The following LMAN1 variants were observed in gnomAD, a reference collection of about 807,000 sequenced individuals.
LMAN1 encodes protein ERGIC-53.
In LMAN1, 32 loss-of-function variants were observed where a neutral mutation model predicts 67.8. The observed-to-expected ratio is 0.47, with a 90% CI of 0.36 to 0.63. LMAN1 has a LOEUF of 0.63. Among genes scored for constraint, LMAN1 ranks in the 30% least tolerant of loss-of-function variants. The pLI is 0.00. For missense variants in LMAN1, 632 were observed against 628.2 expected, an observed-to-expected ratio of 1.01 and a Z score of -0.06; for synonymous variants, 235 against 219.3, an observed-to-expected ratio of 1.07 and a Z score of -0.63.
chr18:59,338,623 G>A lies in LMAN1; in HGVS notation c.1154C>T (p.Thr385Ile). 6.2e-7 allele frequency: 1 copy of A among 1,613,394 alleles called. No individual in the cohort carries two copies. Among genetic ancestry groups the A allele is most frequent in the Non-Finnish European group, 8.5e-7 (1 of 1,179,388 alleles). ...AGMPGQHGQI[T>I]QQELDTVVKT... ...CACAACAGTATCCAGTTCTTGTTGA[G>A]TAATCTGGAGGAAGAAACAATGACG... Residue 385 changes from threonine to isoleucine, a missense_variant, in exon 10 of 13, where the codon ACT (threonine) becomes ATT (isoleucine). Physicochemically the swap from Thr to Ile is moderately conservative, Grantham distance 89 (BLOSUM62 -1). Transcript: ENST00000251047.
chr18:59,331,138 A>G lies in LMAN1; in HGVS notation c.1497-9T>C, dbSNP rs201086193. 65 of 1,609,752 alleles carry G rather than the reference A, an allele frequency of 4.0e-5. No homozygotes were observed. The highest frequency in any genetic ancestry group is 2.7e-5 in the African/African-American group (2 of 74,756). Reference sequence around the variant, plus strand: ...CTGCTTCTTGCTGAGACCTAATGAAAAAAAGAAACAAACACTTAAAGAAGT... The same window carrying G: ...CTGCTTCTTGCTGAGACCTAATGAAGAAAAGAAACAAACACTTAAAGAAGT... On this transcript the variant is annotated splice_polypyrimidine_tract_variant and intron_variant, in intron 12 of 12. Transcript: ENST00000251047.
At chr18:59,354,766 T>C (rs1908621861) in intron 3 of LMAN1, among the ~76,000 whole-genome samples, 186 bp from the exon 4 acceptor site, 1 of 152,258 alleles carries the variant, frequency 6.6e-6, no homozygotes, top group Middle Eastern at 3.4e-3. Flanking sequence ...TGAAAATTAA[T>C]AGAGAAACAA....
chr18:59,351,787 G>T (rs745885757), intron 5 of LMAN1, among the ~76,000 whole-genome samples: 1 of 152,124 alleles, frequency 6.6e-6, no homozygotes, highest in African/African-American at 2.4e-5. Context: ...TGATGTCTGG[G>T]CTTTGCTACA....
At position 59,338,850 on chromosome 18, in the gene LMAN1, A is replaced by G. The variant is rs1455158374; in HGVS notation, c.1059T>C (p.Asp353=). 6.2e-7 allele frequency: 1 copy of G among 1,613,980 alleles called. No homozygotes were observed. The highest frequency in any genetic ancestry group is 1.7e-5 in the Admixed American group (1 of 60,020). ...LEIKQLNRQL[D]MILDEQRRYV... Reference sequence around the variant, plus strand: ...ATCTTCTCTGTTCATCAAGAATCATATCTAACTGCCGGTTCAGCTGCTTGA... The same window carrying G: ...ATCTTCTCTGTTCATCAAGAATCATGTCTAACTGCCGGTTCAGCTGCTTGA... Residue 353 remains aspartate, a synonymous_variant, in exon 9 of 13, where the codon GAT becomes GAC. Coordinates refer to ENST00000251047, the MANE Select transcript of LMAN1 (RefSeq NM_005570.4).
chr18:59,350,821 C>T (rs966307796), intron 5 of LMAN1, among the ~76,000 whole-genome samples: 3 of 152,110 alleles, frequency 2.0e-5, no homozygotes, highest in African/African-American at 7.2e-5. Context: ...GGACGTAACA[C>T]ATTTCATTGT....
chr18:59,332,739 T>C (rs73448234), intron 11 of LMAN1, among the ~76,000 whole-genome samples: 16,733 of 152,006 alleles, frequency 0.11, 1,565 homozygotes, highest in African/African-American at 0.26. Context: ...GCTAACAAGA[T>C]AGCAAGAAAT....
intron 11 of LMAN1, 143 bp downstream of exon 11, chr18:59,332,948 A>G: frequency 1.5e-6 from 1 of 665,426 alleles, no homozygotes; most frequent in East Asian, 2.8e-5. Flanking sequence ...ACACATGGAG[A>G]TCTGCAATAA....
chr18:59,349,488 G>A (rs892205670), intron 5 of LMAN1, among the ~76,000 whole-genome samples: 1 of 152,156 alleles, frequency 6.6e-6, no homozygotes, highest in African/African-American at 2.4e-5. Context: ...AATGGAATAT[G>A]GTTTGCCTTC....
At chr18:59,336,664 G>A (rs923569686) in intron 10 of LMAN1, among the ~76,000 whole-genome samples, 2 of 152,156 alleles carry the variant, frequency 1.3e-5, no homozygotes, top group Non-Finnish European at 2.9e-5. Flanking sequence ...CAGGAGGACT[G>A]CTTGAGCCCA....
In LMAN1 at chr18:59,354,262, C is replaced by T. The variant is rs575000418; in HGVS notation, c.539+257G>A. On this transcript the variant is annotated intron_variant, in intron 4 of 12. Coordinates refer to ENST00000251047, the MANE Select transcript of LMAN1 (RefSeq NM_005570.4). The stretch of plus-strand genomic sequence containing the variant: ...CTGAGAGCCAGGAACAGTCTATAAA[C>T]TTTCAAAAGTATATTATTAAATAAT... 3.3e-5 allele frequency among the ~76,000 whole-genome samples: 5 copies of T among 152,238 alleles called. No individual in the cohort carries two copies. In the East Asian group the frequency reaches 5.8e-4, roughly 18 times the overall value.
intron 12 of LMAN1, 90 bp downstream of exon 12, chr18:59,331,328 A>T: frequency 6.6e-6 from 9 of 1,353,388 alleles, no homozygotes; most frequent in Non-Finnish European, 9.4e-6. Context: ...GGTGGTGAAA[A>T]TTGTATTATG....
chr18:59,345,336 C>T (rs1908375246), intron 8 of LMAN1, among the ~76,000 whole-genome samples: 1 of 152,120 alleles, frequency 6.6e-6, no homozygotes, highest in Admixed American at 6.5e-5. Flanking sequence ...TTGACATTAG[C>T]ACACTCACGT....
At chr18:59,344,167 A>T (rs1470959776) in intron 8 of LMAN1, among the ~76,000 whole-genome samples, 1 of 152,150 alleles carries the variant, frequency 6.6e-6, no homozygotes, top group Non-Finnish European at 1.5e-5. Context: ...TGTGGAGAAG[A>T]GGGAATGCTT....
chr18:59,357,165 T>C (rs570469709), intron 1 of LMAN1, among the ~76,000 whole-genome samples: 4 of 152,358 alleles, frequency 2.6e-5, no homozygotes, highest in African/African-American at 4.8e-5. Flanking sequence ...CCAGAGCCAG[T>C]AGCCAGATAA....
chr18:59,343,597 T>C (rs1216283929), intron 8 of LMAN1, among the ~76,000 whole-genome samples: 2 of 152,030 alleles, frequency 1.3e-5, no homozygotes, highest in African/African-American at 4.8e-5. Context: ...TGAATAGCTA[T>C]ATATAGAAGA....
At chr18:59,344,700 G>T (rs7237397) in intron 8 of LMAN1, among the ~76,000 whole-genome samples, 109,438 of 151,976 alleles carry the variant, frequency 0.72, 39,691 homozygotes, top group African/African-American at 0.8. Context: ...CTGAGTACCA[G>T]GTTCATTAGG....
chr18:59,355,379 C>T lies in LMAN1; in HGVS notation c.411G>A (p.Val137=), dbSNP rs1908636958. The T allele has an allele frequency of 2.5e-6, 4 of 1,614,106 alleles. No homozygotes were observed. The highest frequency in any genetic ancestry group is 3.4e-6 in the Non-Finnish European group (4 of 1,179,970). Residue 137 remains valine, a synonymous_variant, in exon 3 of 13, where the codon GTG becomes GTA. Transcript: ENST00000251047. Reference sequence around the variant, plus strand: ...CATTCCACAGATCAGCTGATCCAAACACAGGGCCCTCCAAGCCTTGATTTT... The same window carrying T: ...CATTCCACAGATCAGCTGATCCAAATACAGGGCCCTCCAAGCCTTGATTTT... ...YAENQGLEGP[V]FGSADLWNGV...
Position 59,330,367 on chromosome 18 carries a change from G to T in LMAN1, c.*726C>A, listed in dbSNP as rs1464394776. Reference sequence around the variant, plus strand: ...TGGAATGAAGACATTCAAGAATATGGGCAATCATGAATGAATACATTACCA... The same window carrying T: ...TGGAATGAAGACATTCAAGAATATGTGCAATCATGAATGAATACATTACCA... On this transcript the variant is annotated 3_prime_UTR_variant, in exon 13 of 13. Transcript: ENST00000251047. The T allele has an allele frequency of 6.6e-6, 1 of 152,314 alleles. No homozygotes were observed. The highest frequency in any genetic ancestry group is 1.9e-4 in the East Asian group (1 of 5,190). The allele number at this position is 152,314 out of a possible 1,614,324, so 9.4% of individuals were successfully genotyped here.
At chr18:59,343,054 T>TTA (rs1908322551) in intron 8 of LMAN1, among the ~76,000 whole-genome samples, 1 of 121,048 alleles carries the variant, frequency 8.3e-6, no homozygotes, top group African/African-American at 2.9e-5. Flanking sequence ...TTACAACAGC[T>TTA]AAAAAAAAAA....
Sources: allele counts gnomAD v4.1 joint callset (sites outside exome capture counted in the v4.1 genomes callset), GRCh38; gene constraint gnomAD v4.1.1; transcripts MANE v1.5; gene names NCBI Gene and HGNC (gene_info 2026-07-23, HGNC 2026-07-21).